Variants in ZBBX observed in about 807,000 individuals in gnomAD.
ZBBX encodes the protein zinc finger B-box domain-containing protein 1.
Under a neutral mutation model 108.5 loss-of-function variants are expected in ZBBX, and 101 were observed. The ratio of observed to expected loss-of-function variants is 0.93; its 90% confidence interval spans 0.79 to 1.10. ZBBX has a LOEUF of 1.10. Ranked by LOEUF, ZBBX falls within the 50% of genes least tolerant of loss-of-function variation. The pLI is 0.00. For synonymous variants in ZBBX, 356 were observed against 323.4 expected, an observed-to-expected ratio of 1.10 and a Z score of -1.08; for missense variants, 1,009 against 941.4, an observed-to-expected ratio of 1.07 and a Z score of -0.94.
intron 12 of ZBBX, among the ~76,000 whole-genome samples, chr3:167,319,845 G>GT: frequency 6.6e-6 from 1 of 152,062 alleles, no homozygotes; most frequent in East Asian, 1.9e-4. Context: ...GTTTCTCACT[G>GT]TAAGTGAAAG....
intron 8 of ZBBX, among the ~76,000 whole-genome samples, chr3:167,357,500 C>A (rs1469454885): frequency 6.6e-6 from 1 of 152,054 alleles, no homozygotes; most frequent in African/African-American, 2.4e-5. Flanking sequence ...GATTCCAGTT[C>A]TAGGTATACA....
At chr3:167,183,357 C>A in the ZBBX span, among the ~76,000 whole-genome samples, 10 of 152,228 alleles carry the variant, frequency 6.6e-5, no homozygotes, top group Non-Finnish European at 1.3e-4. Context: ...CATAGTTCCA[C>A]GTTCTCCAAC....
chr3:167,262,319 A>C (rs1420475633), intron 20 of ZBBX, among the ~76,000 whole-genome samples: 1 of 152,126 alleles, frequency 6.6e-6, no homozygotes, highest in African/African-American at 2.4e-5. Context: ...TAAAATTCAC[A>C]ATGCGAGCCA....
In ZBBX at chr3:167,313,951, T is replaced by G. The variant is rs369796514; in HGVS notation, c.1417+23A>C. 3.9e-6 allele frequency: 6 copies of G among 1,557,032 alleles called. No homozygotes were observed. The African/African-American group carries it at 8.3e-5, about 21-fold the overall frequency. ...TTATCAACATGCACTGTTAATAATA[T>G]CCAGCAACAAGAAAAATGTTACCTT... On this transcript the variant is annotated intron_variant, in intron 16 of 21. Coordinates refer to ENST00000675490, the MANE Select transcript of ZBBX (RefSeq NM_001199201.2).
At chr3:167,370,804 A>T (rs1746046035) in intron 4 of ZBBX, among the ~76,000 whole-genome samples, 1 of 152,208 alleles carries the variant, frequency 6.6e-6, no homozygotes, top group African/African-American at 2.4e-5. Context: ...AGATTTCCAA[A>T]ATGATAAGTT....
intron 9 of ZBBX, among the ~76,000 whole-genome samples, chr3:167,348,852 T>C (rs2108489544): frequency 6.6e-6 from 1 of 152,228 alleles, no homozygotes; most frequent in Non-Finnish European, 1.5e-5. Flanking sequence ...TTTCTTCTGT[T>C]AAGATACAGG....
At chr3:167,308,025 C>T (rs915099693) in intron 16 of ZBBX, among the ~76,000 whole-genome samples, 1 of 152,240 alleles carries the variant, frequency 6.6e-6, no homozygotes, top group Admixed American at 6.5e-5. Flanking sequence ...AATAAACGGA[C>T]AAACTACAGA....
the ZBBX span, among the ~76,000 whole-genome samples, chr3:167,191,572 C>G: frequency 3.3e-5 from 5 of 152,060 alleles, no homozygotes; most frequent in Non-Finnish European, 7.4e-5. Flanking sequence ...TTTCTCTGCA[C>G]AAGCTCTGTC....
chr3:167,376,061 G>T (rs987611693), intron 2 of ZBBX, among the ~76,000 whole-genome samples: 1 of 152,148 alleles, frequency 6.6e-6, no homozygotes, highest in Non-Finnish European at 1.5e-5. Flanking sequence ...GGGGCATTTT[G>T]ATAGAAGAAT....
At chr3:167,392,634 C>A (rs963866658) in intron 1 of ZBBX, among the ~76,000 whole-genome samples, 1 of 151,732 alleles carries the variant, frequency 6.6e-6, no homozygotes, top group Non-Finnish European at 1.5e-5. Flanking sequence ...CATTGAACCC[C>A]ATCTGCCTCC....
Position 167,295,760 on chromosome 3 carries a change from A to ATATAT in ZBBX, c.1879+2544_1879+2545insATATA, listed in dbSNP as rs1731586030. Among the ~76,000 whole-genome samples the ATATAT allele has an allele frequency of 8.7e-3, 58 of 6,644 alleles. 7 individuals carry two copies. The highest frequency in any genetic ancestry group is 0.016 in the South Asian group (3 of 188). 4.4% of individuals were successfully genotyped at this position (6,644 alleles called of 152,430 possible). A position where few individuals can be genotyped will look rare whatever the true frequency, so the allele number is the denominator to read the frequency against. ...ATATATATATATATATATATATATAAAAAAAACTAGTAAGGAGATTAAATC... is the reference window on the plus strand; with the variant it reads ...ATATATATATATATATATATATATAATATATAAAAAACTAGTAAGGAGATTAAATC... On this transcript the variant is annotated intron_variant, in intron 18 of 21. Transcript: ENST00000675490.
intron 19 of ZBBX, among the ~76,000 whole-genome samples, chr3:167,287,364 T>C (rs897081539): frequency 2.0e-5 from 3 of 152,104 alleles, no homozygotes. Context: ...ATAAATGCAA[T>C]TTCTTAGGCA....
intron 19 of ZBBX, among the ~76,000 whole-genome samples, chr3:167,287,380 T>A (rs1729895336): frequency 1.3e-5 from 2 of 152,116 alleles, no homozygotes; most frequent in African/African-American, 2.4e-5. Context: ...AGGCATTACC[T>A]CAGCCTTAAT....
chr3:167,379,066 T>A (rs2108624650), intron 2 of ZBBX, among the ~76,000 whole-genome samples: 1 of 152,320 alleles, frequency 6.6e-6, no homozygotes, highest in East Asian at 1.9e-4. Context: ...ATGTGCTAAG[T>A]ATGTAATTTT....
intron 20 of ZBBX, among the ~76,000 whole-genome samples, chr3:167,248,120 A>G (rs1721913298): frequency 6.6e-6 from 1 of 152,186 alleles, no homozygotes; most frequent in South Asian, 2.1e-4. Context: ...CTTAACAGCC[A>G]CAGACACACA....
rs1284468042 is a variant in ZBBX, at chr3:167,256,136, T to C, written c.2255-13493A>G. ...ATCCATGTTGTCACAAATGACAGAA[T>C]CTTATCCTCTTTTATGATTGAATAA... On this transcript the variant is annotated intron_variant, in intron 20 of 21. Transcript: ENST00000675490. Among the ~76,000 whole-genome samples the C allele has an allele frequency of 3.3e-5, 5 of 152,134 alleles. No individual in the cohort carries two copies. In the East Asian group the frequency reaches 9.6e-4, roughly 29 times the overall value.
At chr3:167,380,486 G>C (rs575472490), upstream of ZBBX, 2 of 152,290 alleles carry the variant, frequency 1.3e-5, no homozygotes, top group South Asian at 4.1e-4. Context: ...TTCCGCCAGA[G>C]AGGATCTTGG....
chr3:167,179,390 CT>C, the ZBBX span, among the ~76,000 whole-genome samples: 11 of 152,250 alleles, frequency 7.2e-5, no homozygotes, highest in Non-Finnish European at 1.6e-4. Flanking sequence ...GTCAAAGTGT[CT>C]GGCATTAGAT....
At chr3:167,215,652 C>A in the ZBBX span, among the ~76,000 whole-genome samples, 1 of 152,028 alleles carries the variant, frequency 6.6e-6, no homozygotes, top group Non-Finnish European at 1.5e-5. Flanking sequence ...ATCTTGATAC[C>A]AAACCCTGGC....
Sources: gnomAD v4.1 joint callset for allele counts (sites outside exome capture counted in the v4.1 genomes callset) on GRCh38, gnomAD v4.1.1 for gene constraint, MANE v1.5 for transcripts, NCBI Gene and HGNC (gene_info 2026-07-23, HGNC 2026-07-21) for gene names.